The following SPDYA variants were observed in gnomAD, a reference collection of about 807,000 sequenced individuals.
SPDYA encodes the protein speedy/RINGO cell cycle regulator family member A.
Under a neutral mutation model 36.7 loss-of-function variants are expected in SPDYA, and 11 were observed. The ratio of observed to expected loss-of-function variants is 0.30; its 90% CI spans 0.19 to 0.50. The LOEUF (loss-of-function observed/expected upper bound fraction) is 0.50, where lower values mean the gene tolerates loss of function less well. SPDYA is among the 20% of genes least tolerant of loss of function. The pLI, the probability that SPDYA is intolerant of heterozygous loss-of-function variation, is 0.98. For synonymous variants in SPDYA, 115 were observed against 118.7 expected, an observed-to-expected ratio of 0.97 and a Z score of 0.20; for missense variants, 287 against 370.9, an observed-to-expected ratio of 0.77 and a Z score of 1.86.
intron 6 of SPDYA, among the ~76,000 whole-genome samples, chr2:28,831,008 T>C (rs1459507718): frequency 1.3e-5 from 2 of 152,166 alleles, no homozygotes; most frequent in Non-Finnish European, 2.9e-5. Flanking sequence ...TAATATACAT[T>C]GATTTAGTGA....
At chr2:28,823,702 A>AATATATATATATATATAT (rs1160889916) in intron 5 of SPDYA, among the ~76,000 whole-genome samples, 16 of 49,218 alleles carry the variant, frequency 3.3e-4, no homozygotes, top group Admixed American at 7.2e-4. Context: ...GGAATGCATG[A>AATATATATATATATATAT]ATATATATAT....
Position 28,817,851 on chromosome 2 carries a change from CAAAAAAAAAAAAA to C in SPDYA, c.236-1182_236-1170del, listed in dbSNP as rs70956049. ...TGGGTGACAGAGCAAGACTCTGTCTCAAAAAAAAAAAAAAAAAAAAAAAAAAAGGCTGGATATG... is the reference window on the plus strand; with the variant it reads ...TGGGTGACAGAGCAAGACTCTGTCTCAAAAAAAAAAAAAAGGCTGGATATG... On this transcript the variant is annotated intron_variant, in intron 3 of 7. Coordinates refer to ENST00000334056, the MANE Select transcript of SPDYA (RefSeq NM_182756.4). Among the ~76,000 whole-genome samples the C allele has an allele frequency of 1.5e-3, 47 of 30,704 alleles. 1 individual carries two copies. The East Asian group carries it at 0.039, about 26-fold the overall frequency. 20.1% of individuals were successfully genotyped at this position (30,704 alleles called of 152,430 possible).
chr2:28,847,736 A>T (rs1387065695), intron 7 of SPDYA, among the ~76,000 whole-genome samples: 1 of 110,542 alleles, frequency 9.0e-6, no homozygotes, highest in East Asian at 2.5e-4. Flanking sequence ...ACAGAGCAAG[A>T]CTCTGTCTCA....
intron 7 of SPDYA, 92 bp from the exon 8 acceptor site, chr2:28,849,758 A>T: frequency 1.5e-6 from 1 of 664,710 alleles, no homozygotes. Context: ...AGATTTCCTT[A>T]TTATTTTTTA....
At chr2:28,819,314 G>GC (rs2148077827) in intron 4 of SPDYA, among the ~76,000 whole-genome samples, 1 of 152,176 alleles carries the variant, frequency 6.6e-6, no homozygotes, top group Admixed American at 6.5e-5. Flanking sequence ...TTGGAGACCA[G>GC]CCTGGGCAAC....
At position 28,840,385 on chromosome 2, in the gene SPDYA, A is replaced by C; in HGVS notation, c.766A>C (p.Thr256Pro). 6.2e-7 allele frequency: 1 copy of C among 1,612,800 alleles called. No individual in the cohort carries two copies. The highest frequency in any genetic ancestry group is 8.5e-7 in the Non-Finnish European group (1 of 1,179,536). ...SSLSSHTAGVTEKHSQDSYNS... is the reference protein window; with the variant it reads ...SSLSSHTAGVPEKHSQDSYNS... The stretch of plus-strand genomic sequence containing the variant: ...TTTATCCAGTCATACAGCAGGGGTG[A>C]CAGAAAAACATTCTCAGGACTCATA... The change falls in exon 7 of 8, where the codon ACA becomes CCA. Residue 256 changes from threonine (T) to proline (P), a missense_variant. Transcript: ENST00000334056.
intron 5 of SPDYA, among the ~76,000 whole-genome samples, chr2:28,822,806 C>T (rs191735262): frequency 1.3e-5 from 2 of 152,086 alleles, no homozygotes; most frequent in African/African-American, 4.8e-5. Context: ...CGGGGTTTCA[C>T]CATGTTGGCC....
At chr2:28,815,796 G>A (rs1572487436) in intron 2 of SPDYA, among the ~76,000 whole-genome samples, 1 of 152,156 alleles carries the variant, frequency 6.6e-6, no homozygotes, top group Admixed American at 6.5e-5. Context: ...GAGGATGTCC[G>A]TTTGTTACCC....
At chr2:28,815,283 AACACAC>A (rs55773017) in intron 2 of SPDYA, among the ~76,000 whole-genome samples, 10,617 of 136,840 alleles carry the variant, frequency 0.078, 580 homozygotes, top group African/African-American at 0.16. Context: ...CCCTGTCTGA[AACACAC>A]ACACACACAC....
At chr2:28,840,569 A>G in intron 7 of SPDYA, 100 bp downstream of exon 7, 1 of 1,475,352 alleles carries the variant, frequency 6.8e-7, no homozygotes, top group Non-Finnish European at 8.9e-7. Flanking sequence ...TATATACTCC[A>G]ACAATATGAG....
rs765711938 is a variant in SPDYA at position 28,822,312 on chromosome 2, T to C, written c.295-13T>C. 5.0e-6 allele frequency: 7 copies of C among 1,395,334 alleles called. No individual in the cohort carries two copies. Among genetic ancestry groups the C allele is most frequent in the Non-Finnish European group, 5.8e-6 (6 of 1,026,094 alleles). The allele number at this position is 1,395,334 out of a possible 1,614,324, so 86.4% of individuals were successfully genotyped here. On this transcript the variant is annotated splice_polypyrimidine_tract_variant and intron_variant, in intron 4 of 7. Transcript: ENST00000334056. ...AAAACATTAATATTAATTTTTAACT[T>C]TTTTCCTTATAGTATCTTTTGGCTA...
At position 28,849,267 on chromosome 2, in the gene SPDYA, T is replaced by C. The variant is rs141234803; in HGVS notation, c.851-583T>C. Among the ~76,000 whole-genome samples, 278 of 152,328 alleles carry C rather than the reference T, an allele frequency of 1.8e-3. 1 individual carries two copies. The highest frequency in any genetic ancestry group is 2.4e-3 in the Non-Finnish European group (160 of 68,030). On this transcript the variant is annotated intron_variant, in intron 7 of 7. Coordinates refer to ENST00000334056, the MANE Select transcript of SPDYA (RefSeq NM_182756.4). The stretch of plus-strand genomic sequence containing the variant: ...ATGAATAATAAGTCCCATTTGTAAT[T>C]AATTCATGTTTCCAAAATGTATTCC...
chr2:28,818,838 G>A (rs930496748), intron 3 of SPDYA, among the ~76,000 whole-genome samples: 1 of 152,198 alleles, frequency 6.6e-6, no homozygotes, highest in African/African-American at 2.4e-5. Flanking sequence ...AAATCAGATG[G>A]CTTGATGAAG....
rs1045717796 is a variant in SPDYA, at chr2:28,811,410, C to G, written c.-93+463C>G. ...TTTGATAAATCCTACCTCCTTATGT[C>G]CCATTAAACACCTCTTTTTGTCCCC... On this transcript the variant is annotated intron_variant, in intron 1 of 7. Coordinates refer to ENST00000334056, the MANE Select transcript of SPDYA (RefSeq NM_182756.4). This position sits in a 1 kb window ranked among gnomAD's most constrained non-coding sequence, Gnocchi z 4.2. Among the ~76,000 whole-genome samples, 1 of 152,130 alleles carries G rather than the reference C, an allele frequency of 6.6e-6. No homozygotes were observed. The highest frequency in any genetic ancestry group is 1.5e-5 in the Non-Finnish European group (1 of 68,026).
intron 7 of SPDYA, among the ~76,000 whole-genome samples, chr2:28,841,231 G>A (rs1305284683): frequency 6.6e-6 from 1 of 151,962 alleles, no homozygotes; most frequent in African/African-American, 2.4e-5. Context: ...ACCGCACCCA[G>A]GCCAAAACCT....
At chr2:28,846,483 A>G (rs1034060199) in intron 7 of SPDYA, among the ~76,000 whole-genome samples, 4 of 152,130 alleles carry the variant, frequency 2.6e-5, no homozygotes, top group African/African-American at 9.7e-5. Context: ...TTTACTGGGT[A>G]TAAAAGGTAG....
chr2:28,821,863 T>C (rs956234076), intron 4 of SPDYA, among the ~76,000 whole-genome samples: 1 of 152,228 alleles, frequency 6.6e-6, no homozygotes, highest in Non-Finnish European at 1.5e-5. Context: ...TTGGAAATCA[T>C]TTTAAAAAGT....
chr2:28,810,965 C>T lies in SPDYA; in HGVS notation c.-93+18C>T, dbSNP rs1667824143. The T allele has an allele frequency of 6.6e-6, 1 of 152,282 alleles. No homozygotes were observed. The highest frequency in any genetic ancestry group is 1.9e-4 in the East Asian group (1 of 5,188). The allele number at this position is 152,282 out of a possible 1,614,324, so 9.4% of individuals were successfully genotyped here. ...TTCCGCAGGTACCTGTGCTCGCCCC[C>T]GGGAAGGGGCCTCGCAGGCGAATCT... On this transcript the variant is annotated intron_variant, in intron 1 of 7. Coordinates refer to ENST00000334056, the MANE Select transcript of SPDYA (RefSeq NM_182756.4).
chr2:28,819,820 TA>T lies in SPDYA; in HGVS notation c.294+744del, dbSNP rs1174507151. Reference sequence around the variant, plus strand: ...GGCAACATAGGGAGACCTGGTCTCTTAAAAAAAAAAAAAAAAAAAAAAAAAA... The same window carrying T: ...GGCAACATAGGGAGACCTGGTCTCTTAAAAAAAAAAAAAAAAAAAAAAAAA... On this transcript the variant is annotated intron_variant, in intron 4 of 7. Transcript: ENST00000334056. Among the ~76,000 whole-genome samples the T allele has an allele frequency of 2.7e-3, 47 of 17,216 alleles. 3 individuals carry two copies. The highest frequency in any genetic ancestry group is 0.012 in the East Asian group (4 of 328). The allele number at this position is 17,216 out of a possible 152,430, so 11.3% of individuals were successfully genotyped here.
Sources: gnomAD v4.1 joint callset for allele counts (sites outside exome capture counted in the v4.1 genomes callset) on GRCh38, gnomAD v4.1.1 for gene constraint, Gnocchi (gnomAD v3.1) non-coding constraint, MANE v1.5 for transcripts, NCBI Gene and HGNC (gene_info 2026-07-23, HGNC 2026-07-21) for gene names.